RANBP2: variants seen among roughly 807,000 people sequenced by gnomAD.
The protein encoded by RANBP2 is RAN binding protein 2.
RANBP2 carries 57 observed loss-of-function variants against 303.6 expected under a neutral mutation model. The observed-to-expected ratio is 0.19, with a 90% CI of 0.15 to 0.23. RANBP2 has a LOEUF of 0.23. Ranked by LOEUF, RANBP2 falls within the 10% of genes least tolerant of loss-of-function variation. The probability of loss-of-function intolerance (pLI) is 1.00; values close to 1 mark genes in which losing one functional copy is unlikely to be tolerated. For synonymous variants in RANBP2, 1,167 were observed against 1,301.5 expected (o/e 0.90, Z 2.23); for missense variants, 3,138 against 3,780.8 (o/e 0.83, Z 4.46).
chr2:108,931,121 G>A, the RANBP2 span: 4 of 1,042,778 alleles, frequency 3.8e-6, no homozygotes, highest in Middle Eastern at 2.0e-4. Context: ...TGGATATAAG[G>A]TGCCTTCCAG....
At chr2:109,581,592 G>A in the RANBP2 span, among the ~76,000 whole-genome samples, 8 of 151,134 alleles carry the variant, frequency 5.3e-5, no homozygotes, top group South Asian at 4.2e-4. Flanking sequence ...CTGAACACAC[G>A]GGAATGGCTA....
At chr2:109,388,042 C>T in the RANBP2 span, among the ~76,000 whole-genome samples, 5 of 152,192 alleles carry the variant, frequency 3.3e-5, no homozygotes, top group Non-Finnish European at 5.9e-5. Context: ...CCTGTTCAGC[C>T]CTCACAGCCT....
At chr2:109,550,057 G>A in the RANBP2 span, among the ~76,000 whole-genome samples, 4,987 of 151,864 alleles carry the variant, frequency 0.033, 243 homozygotes, top group African/African-American at 0.11. Flanking sequence ...TTGGGAGGCC[G>A]AGGCAGGCGG....
intron 3 of RANBP2, 71 bp downstream of exon 3, chr2:108,730,956 A>G (rs1258376178): frequency 6.7e-7 from 1 of 1,501,586 alleles, no homozygotes; most frequent in African/African-American, 1.4e-5. Context: ...TTATATAAGT[A>G]AGTCAAATAT....
At chr2:109,509,676 A>G in the RANBP2 span, among the ~76,000 whole-genome samples, 1 of 151,948 alleles carries the variant, frequency 6.6e-6, no homozygotes, top group Non-Finnish European at 1.5e-5. Flanking sequence ...CCCTTTAAGC[A>G]ATTTCTCATC....
At chr2:109,615,014 C>T in the RANBP2 span, 146 of 1,545,928 alleles carry the variant, frequency 9.4e-5, 1 homozygote, top group African/African-American at 1.2e-3. Context: ...CCAGCGAGGA[C>T]CTGGAGCTCC....
chr2:108,935,152 A>G, the RANBP2 span, among the ~76,000 whole-genome samples: 1 of 152,210 alleles, frequency 6.6e-6, no homozygotes, highest in East Asian at 1.9e-4. Flanking sequence ...TGCCTGAATT[A>G]ACAGCTTCTC....
chr2:108,910,445 G>A, the RANBP2 span: 1 of 1,609,972 alleles, frequency 6.2e-7, no homozygotes, highest in East Asian at 2.2e-5. Flanking sequence ...CTTGGTGCTG[G>A]GGGCTTCCAC....
At chr2:109,458,856 C>T in the RANBP2 span, among the ~76,000 whole-genome samples, 50 of 152,308 alleles carry the variant, frequency 3.3e-4, no homozygotes, top group East Asian at 1.9e-4. Context: ...AACACATTTG[C>T]CAAATGCCTT....
the RANBP2 span, among the ~76,000 whole-genome samples, chr2:109,600,986 C>T: frequency 6.2e-4 from 95 of 152,200 alleles, 1 homozygote; most frequent in South Asian, 0.017. Context: ...GGCTTCTGTC[C>T]CCATGGAGGA....
chr2:109,201,087 A>G, the RANBP2 span, among the ~76,000 whole-genome samples: 1 of 152,124 alleles, frequency 6.6e-6, no homozygotes. Context: ...AGGGACTCTC[A>G]GTTCTCTCCC....
the RANBP2 span, among the ~76,000 whole-genome samples, chr2:108,880,468 C>G: frequency 6.6e-6 from 1 of 152,070 alleles, no homozygotes; most frequent in Non-Finnish European, 1.5e-5. Context: ...GCTAAACTTC[C>G]TAGGTTTTCA....
chr2:109,072,701 C>T, the RANBP2 span, among the ~76,000 whole-genome samples: 7 of 152,204 alleles, frequency 4.6e-5, no homozygotes, highest in Admixed American at 3.3e-4. Context: ...CCCTTCCCAG[C>T]TCAGTGCAGA....
chr2:109,113,679 G>A, the RANBP2 span, among the ~76,000 whole-genome samples: 1 of 152,204 alleles, frequency 6.6e-6, no homozygotes, highest in Non-Finnish European at 1.5e-5. Flanking sequence ...ATGTTGAATA[G>A]GAGCGGTGAG....
chr2:109,323,537 G>A, the RANBP2 span, among the ~76,000 whole-genome samples: 1 of 152,248 alleles, frequency 6.6e-6, no homozygotes, highest in African/African-American at 2.4e-5. Flanking sequence ...ATTGTAGGTA[G>A]TGGTAGATGG....
the RANBP2 span, chr2:109,613,875 A>T: frequency 7.3e-6 from 9 of 1,229,422 alleles, no homozygotes; most frequent in Non-Finnish European, 9.1e-6. Flanking sequence ...CCCGGCCCCG[A>T]GCGGCTGGTC....
chr2:108,853,923 T>A, the RANBP2 span, among the ~76,000 whole-genome samples: 13 of 122,528 alleles, frequency 1.1e-4, no homozygotes, highest in African/African-American at 4.2e-4. Context: ...AGTATATATA[T>A]TATATATAAT....
At chr2:109,570,216 A>G in the RANBP2 span, among the ~76,000 whole-genome samples, 1 of 152,244 alleles carries the variant, frequency 6.6e-6, no homozygotes. Flanking sequence ...CATCAACTGA[A>G]TAAGGCAGAA....
At chr2:109,390,400 G>A in the RANBP2 span, among the ~76,000 whole-genome samples, 1 of 152,176 alleles carries the variant, frequency 6.6e-6, no homozygotes, top group African/African-American at 2.4e-5. Flanking sequence ...TACTTTTATG[G>A]ACTTGGACAC....
Sources: allele counts gnomAD v4.1 joint callset (sites outside exome capture counted in the v4.1 genomes callset), GRCh38; gene constraint gnomAD v4.1.1; transcripts MANE v1.5; gene names NCBI Gene and HGNC (gene_info 2026-07-23, HGNC 2026-07-21).